RAPGEF5: variants seen among roughly 807,000 people sequenced by gnomAD.
RAPGEF5 encodes M-Ras-regulated GEF.
Under a neutral mutation model 125.2 loss-of-function variants are expected in RAPGEF5, and 65 were observed. The ratio of observed to expected loss-of-function variants is 0.52; its 90% CI spans 0.43 to 0.64. The LOEUF is 0.64. Ranked by LOEUF, RAPGEF5 falls within the 30% of genes least tolerant of loss-of-function variation. The probability of loss-of-function intolerance (pLI) is 0.00; values close to 1 mark genes in which losing one functional copy is unlikely to be tolerated. For missense variants in RAPGEF5, 958 were observed against 1,048.1 expected, an observed-to-expected ratio of 0.91 and a Z score of 1.19; for synonymous variants, 391 against 385.9, an observed-to-expected ratio of 1.01 and a Z score of -0.16.
chr7:22,285,290 T>C (rs1782770345), intron 6 of RAPGEF5, among the ~76,000 whole-genome samples: 1 of 152,232 alleles, frequency 6.6e-6, no homozygotes, highest in Non-Finnish European at 1.5e-5. Context: ...GAAAAATCGT[T>C]ACATCAGACC....
chr7:22,176,219 G>C (rs894935752), intron 11 of RAPGEF5, among the ~76,000 whole-genome samples: 1 of 152,096 alleles, frequency 6.6e-6, no homozygotes, highest in Non-Finnish European at 1.5e-5. Flanking sequence ...AGAACTGCAG[G>C]GGAAAGACTT....
chr7:22,152,618 G>C (rs1244459620), intron 17 of RAPGEF5, among the ~76,000 whole-genome samples: 1 of 152,038 alleles, frequency 6.6e-6, no homozygotes, highest in Admixed American at 6.6e-5. Context: ...TGATACTATT[G>C]TTCCTTTTAG....
chr7:22,148,442 T>A (rs576322119), intron 18 of RAPGEF5, among the ~76,000 whole-genome samples: 122 of 152,366 alleles, frequency 8.0e-4, no homozygotes, highest in African/African-American at 2.7e-3. Context: ...CCTTCAGTGC[T>A]CTAATTCCTG....
chr7:22,170,353 C>G (rs1037386917), intron 11 of RAPGEF5, among the ~76,000 whole-genome samples: 5 of 152,176 alleles, frequency 3.3e-5, no homozygotes, highest in African/African-American at 1.2e-4. Flanking sequence ...CTGAGCCTGG[C>G]CAACAGAGTA....
At chr7:22,323,938 T>C (rs947251737) in intron 1 of RAPGEF5, among the ~76,000 whole-genome samples, 3 of 152,040 alleles carry the variant, frequency 2.0e-5, no homozygotes, top group South Asian at 2.1e-4. Flanking sequence ...GCAAACACCA[T>C]AGTAATAAAT....
intron 11 of RAPGEF5, among the ~76,000 whole-genome samples, chr7:22,184,919 C>CCT (rs1048790642): frequency 6.6e-6 from 1 of 151,950 alleles, no homozygotes; most frequent in African/African-American, 2.4e-5. Flanking sequence ...GGAACTAGGA[C>CCT]CTCTCTCTCT....
At chr7:22,274,389 G>T (rs1782508860) in intron 6 of RAPGEF5, among the ~76,000 whole-genome samples, 1 of 152,098 alleles carries the variant, frequency 6.6e-6, no homozygotes, top group Non-Finnish European at 1.5e-5. Context: ...GAGTGCAGTG[G>T]TCCAATCATG....
intron 9 of RAPGEF5, among the ~76,000 whole-genome samples, chr7:22,201,029 A>G (rs1785266054): frequency 6.6e-6 from 1 of 152,208 alleles, no homozygotes; most frequent in South Asian, 2.1e-4. Flanking sequence ...ACAGCTGTGT[A>G]GGTAGGTTTG....
intron 11 of RAPGEF5, among the ~76,000 whole-genome samples, chr7:22,169,938 T>C (rs1406497966): frequency 1.5e-5 from 2 of 137,536 alleles, no homozygotes; most frequent in African/African-American, 5.5e-5. Flanking sequence ...GGAACCCAGG[T>C]GGCAGAGGTT....
intron 12 of RAPGEF5, among the ~76,000 whole-genome samples, chr7:22,164,852 A>C (rs1450345004): frequency 2.0e-5 from 3 of 152,196 alleles, no homozygotes; most frequent in African/African-American, 7.2e-5. Flanking sequence ...AAATACTATT[A>C]CAATAAAAAT....
chr7:22,214,439 A>G (rs1785583227), intron 9 of RAPGEF5, among the ~76,000 whole-genome samples: 1 of 152,210 alleles, frequency 6.6e-6, no homozygotes, highest in Non-Finnish European at 1.5e-5. Context: ...AAGTCAGGTT[A>G]GGAGCTATTG....
chr7:22,281,924 T>C (rs1352764296), intron 6 of RAPGEF5, among the ~76,000 whole-genome samples: 1 of 152,234 alleles, frequency 6.6e-6, no homozygotes, highest in Non-Finnish European at 1.5e-5. Flanking sequence ...GCCCACCGGA[T>C]ACACAGATTC....
At chr7:22,270,029 G>A (rs368272780) in intron 6 of RAPGEF5, among the ~76,000 whole-genome samples, 2 of 152,230 alleles carry the variant, frequency 1.3e-5, no homozygotes, top group Non-Finnish European at 2.9e-5. Flanking sequence ...AGAGGGCAAG[G>A]AGTAGGTACA....
intron 11 of RAPGEF5, among the ~76,000 whole-genome samples, chr7:22,173,809 G>A (rs1784422694): frequency 6.6e-6 from 1 of 150,516 alleles, no homozygotes; most frequent in African/African-American, 2.5e-5. Context: ...GTCACCCTGG[G>A]ACTAAGAGCG....
chr7:22,320,377 G>T (rs1583576868), intron 1 of RAPGEF5, among the ~76,000 whole-genome samples: 1 of 152,106 alleles, frequency 6.6e-6, no homozygotes, highest in Admixed American at 6.5e-5. Flanking sequence ...AATAGCAAGG[G>T]CCAAAGGCTT....
At chr7:22,148,974 G>T (rs1783532465) in intron 18 of RAPGEF5, among the ~76,000 whole-genome samples, 1 of 152,204 alleles carries the variant, frequency 6.6e-6, no homozygotes, top group Non-Finnish European at 1.5e-5. Context: ...AATTACACAG[G>T]ACTGTGGCCT....
intron 9 of RAPGEF5, among the ~76,000 whole-genome samples, chr7:22,210,104 G>A (rs1162228788): frequency 6.6e-6 from 1 of 152,112 alleles, no homozygotes; most frequent in East Asian, 1.9e-4. Context: ...CAAGACACAT[G>A]ATATCTAAAG....
chr7:22,146,942 C>G lies in RAPGEF5; in HGVS notation c.1962G>C (p.Leu654=). The G allele has an allele frequency of 6.2e-7, 1 of 1,613,624 alleles. No individual in the cohort carries two copies. The highest frequency in any genetic ancestry group is 8.5e-7 in the Non-Finnish European group (1 of 1,179,748). Residue 654 remains leucine, a synonymous_variant, in exon 19 of 26, where the codon CTG becomes CTC. Transcript: ENST00000665637. ...ILGMNTWDLA[L]ELMNFDWSLF... ...GACTCCAATCAAAATTCATTAATTC[C>G]AGAGCAAGATCCCAAGTGTTCATTC...
intron 7 of RAPGEF5, among the ~76,000 whole-genome samples, chr7:22,232,669 C>G (rs1029159117): frequency 1.3e-5 from 2 of 152,118 alleles, no homozygotes; most frequent in African/African-American, 4.8e-5. Context: ...TTTAAAATAT[C>G]ATTTCATGTA....
Sources: allele counts gnomAD v4.1 joint callset (sites outside exome capture counted in the v4.1 genomes callset), GRCh38; gene constraint gnomAD v4.1.1; transcripts MANE v1.5; gene names NCBI Gene and HGNC (gene_info 2026-07-23, HGNC 2026-07-21).